The following MARK1 variants were observed in gnomAD, a reference collection of about 807,000 sequenced individuals.
MARK1 encodes microtubule affinity regulating kinase 1.
MARK1 carries 40 observed loss-of-function variants against 96.3 expected under a neutral mutation model. The ratio of observed to expected loss-of-function variants is 0.42; its 90% CI spans 0.32 to 0.54. The LOEUF is 0.54. Among genes scored for constraint, MARK1 ranks in the 20% least tolerant of loss-of-function variants. The probability of loss-of-function intolerance (pLI) is 0.16; values close to 1 mark genes in which losing one functional copy is unlikely to be tolerated. For synonymous variants in MARK1, 317 were observed against 341.2 expected (o/e 0.93, Z 0.78); for missense variants, 719 against 984.6 (o/e 0.73, Z 3.61).
chr1:220,583,767 G>C (rs1229715674), intron 3 of MARK1, among the ~76,000 whole-genome samples: 1 of 149,752 alleles, frequency 6.7e-6, no homozygotes, highest in African/African-American at 2.5e-5. Context: ...TCCTGACTCA[G>C]CCTCCTGAGT....
chr1:220,621,955 T>G (rs1667074071), intron 9 of MARK1, among the ~76,000 whole-genome samples: 1 of 152,192 alleles, frequency 6.6e-6, no homozygotes, highest in African/African-American at 2.4e-5. Flanking sequence ...TTATTGAAAT[T>G]AGTTTCACAT....
At chr1:220,661,689 G>T in intron 17 of MARK1, 123 bp from the exon 18 acceptor site, 1 of 660,902 alleles carries the variant, frequency 1.5e-6, no homozygotes, top group South Asian at 2.2e-5. Context: ...TCTGAGGGTG[G>T]TCTGCAAATT....
chr1:220,555,786 A>G (rs1289763825), intron 1 of MARK1, among the ~76,000 whole-genome samples: 2 of 152,130 alleles, frequency 1.3e-5, no homozygotes, highest in South Asian at 2.1e-4. Context: ...GTAGAGAGAA[A>G]GTTTGGGTGT....
At chr1:220,547,142 G>A (rs1392378753) in intron 1 of MARK1, among the ~76,000 whole-genome samples, 1 of 152,018 alleles carries the variant, frequency 6.6e-6, no homozygotes, top group Non-Finnish European at 1.5e-5. Context: ...AACTGTCTTG[G>A]GTACTTTTTT....
chr1:220,618,833 T>C lies in MARK1; in HGVS notation c.909+78T>C, dbSNP rs1666901107. On this transcript the variant is annotated intron_variant, in intron 9 of 17. Transcript: ENST00000366917. The surrounding 1 kb of genome is among the most constrained non-coding windows in gnomAD (Gnocchi z 4.6). Reference sequence around the variant, plus strand: ...GGAACCGAAGAGCATTTTTCTCCTATGTTTTCTTAGGAAAATTGCCAAATT... The same window carrying C: ...GGAACCGAAGAGCATTTTTCTCCTACGTTTTCTTAGGAAAATTGCCAAATT... 2 of 1,299,180 alleles carry C rather than the reference T, an allele frequency of 1.5e-6. No individual in the cohort carries two copies. The highest frequency in any genetic ancestry group is 2.1e-6 in the Non-Finnish European group (2 of 963,444). 80.5% of individuals were successfully genotyped at this position (1,299,180 alleles called of 1,614,324 possible).
chr1:220,660,260 G>A (rs1669401253), intron 17 of MARK1, among the ~76,000 whole-genome samples: 1 of 152,026 alleles, frequency 6.6e-6, no homozygotes, highest in Non-Finnish European at 1.5e-5. Context: ...GATTCAGTGG[G>A]CAAAAAGAGA....
chr1:220,580,381 G>A (rs559218699), intron 2 of MARK1, among the ~76,000 whole-genome samples: 75 of 152,092 alleles, frequency 4.9e-4, no homozygotes, highest in Middle Eastern at 3.4e-3. Context: ...GGGAGCTTGA[G>A]GTGAGGATTA....
In MARK1 at chr1:220,604,292, C is replaced by T. The variant is rs544075414; in HGVS notation, c.495+155C>T. On this transcript the variant is annotated intron_variant, in intron 6 of 17. Coordinates refer to ENST00000366917, the MANE Select transcript of MARK1 (RefSeq NM_018650.5). Reference sequence around the variant, plus strand: ...GGATGGAAAACTCCTAAAAAATAAACCTTTCTGAATTTAAATTTAAATAGT... The same window carrying T: ...GGATGGAAAACTCCTAAAAAATAAATCTTTCTGAATTTAAATTTAAATAGT... Among the ~76,000 whole-genome samples, 8 of 152,030 alleles carry T rather than the reference C, an allele frequency of 5.3e-5. No homozygotes were observed. The South Asian group carries it at 1.7e-3, about 32-fold the overall frequency.
At chr1:220,544,100 G>A (rs1035082838) in intron 1 of MARK1, among the ~76,000 whole-genome samples, 2 of 152,152 alleles carry the variant, frequency 1.3e-5, no homozygotes, top group Non-Finnish European at 2.9e-5. Context: ...CATGCATGTG[G>A]TTGTTATAGG....
chr1:220,614,590 C>T (rs1202561973), intron 6 of MARK1, among the ~76,000 whole-genome samples: 1 of 151,044 alleles, frequency 6.6e-6, no homozygotes, highest in African/African-American at 2.4e-5. Context: ...TAATATATAC[C>T]TCCATAATAC....
intron 5 of MARK1, among the ~76,000 whole-genome samples, chr1:220,603,127 C>T (rs551783449): frequency 6.6e-6 from 1 of 151,982 alleles, no homozygotes; most frequent in South Asian, 2.1e-4. Context: ...TTTACAAGAA[C>T]ACTTTAAGCC....
Position 220,528,557 on chromosome 1 carries a change from C to G in MARK1, c.-266C>G, listed in dbSNP as rs1660070903. On this transcript the variant is annotated 5_prime_UTR_variant, in exon 1 of 18. Transcript: ENST00000366917. ...GCCAGCCTCGCCGCCCCGCCAGCGCCGGGCAACCGCCTCGCCCGAAGCCCT... is the reference window on the plus strand; with the variant it reads ...GCCAGCCTCGCCGCCCCGCCAGCGCGGGGCAACCGCCTCGCCCGAAGCCCT... 1.3e-5 allele frequency: 6 copies of G among 459,514 alleles called. No individual in the cohort carries two copies. The highest frequency in any genetic ancestry group is 1.9e-5 in the Non-Finnish European group (5 of 261,736). The allele number at this position is 459,514 out of a possible 1,614,324, so 28.5% of individuals were successfully genotyped here. A position where few individuals can be genotyped will look rare whatever the true frequency, so the allele number is the denominator to read the frequency against.
chr1:220,664,068 CATT>C lies in MARK1; in HGVS notation c.*1905_*1907del, dbSNP rs920962007. 2.0e-5 allele frequency: 3 copies of C among 152,476 alleles called. No homozygotes were observed. Among genetic ancestry groups the C allele is most frequent in the African/African-American group, 7.2e-5 (3 of 41,520 alleles). 9.4% of individuals were successfully genotyped at this position (152,476 alleles called of 1,614,324 possible). On this transcript the variant is annotated 3_prime_UTR_variant, in exon 18 of 18. Transcript: ENST00000366917. ...TATTGAAACTATGAAGGTTTCTTGT[CATT>C]ATGACAAGAAAGTTTAATCTTTTTA...
intron 1 of MARK1, among the ~76,000 whole-genome samples, chr1:220,547,768 G>A (rs1312529307): frequency 5.9e-5 from 9 of 152,106 alleles, no homozygotes; most frequent in South Asian, 2.1e-4. Flanking sequence ...GTGTTTCACC[G>A]TGTTGGCCAG....
At chr1:220,566,008 CT>C (rs1212077808) in intron 1 of MARK1, among the ~76,000 whole-genome samples, 1 of 152,114 alleles carries the variant, frequency 6.6e-6, no homozygotes. Flanking sequence ...TAGGTTTTGC[CT>C]CTGGAACTGA....
intron 5 of MARK1, among the ~76,000 whole-genome samples, chr1:220,600,208 G>C (rs1225690706): frequency 2.6e-5 from 4 of 152,072 alleles, no homozygotes; most frequent in Non-Finnish European, 5.9e-5. Context: ...CTCAAGTACA[G>C]AATGTATTTA....
chr1:220,540,760 C>A (rs910562240), intron 1 of MARK1, among the ~76,000 whole-genome samples: 1 of 151,416 alleles, frequency 6.6e-6, no homozygotes, highest in African/African-American at 2.4e-5. Context: ...ATTTGTTGAT[C>A]TTTTCAAAAA....
intron 1 of MARK1, among the ~76,000 whole-genome samples, chr1:220,537,737 CT>C (rs1340296785): frequency 1.1e-4 from 17 of 150,800 alleles, no homozygotes; most frequent in African/African-American, 4.1e-4. Context: ...TCCACATCCT[CT>C]CCAGCACCTG....
chr1:220,545,442 T>TG (rs1661419412), intron 1 of MARK1, among the ~76,000 whole-genome samples: 1 of 143,374 alleles, frequency 7.0e-6, no homozygotes. Context: ...TCTCATGGTT[T>TG]TTTTTTTTTT....
Sources: gnomAD v4.1 joint callset for allele counts (sites outside exome capture counted in the v4.1 genomes callset) on GRCh38, gnomAD v4.1.1 for gene constraint, Gnocchi (gnomAD v3.1) non-coding constraint, MANE v1.5 for transcripts, NCBI Gene and HGNC (gene_info 2026-07-23, HGNC 2026-07-21) for gene names.